The following SHANK2 variants were observed in gnomAD, a reference collection of about 807,000 sequenced individuals.
SHANK2 encodes the protein SH3 and multiple ankyrin repeat domains protein 2.
SHANK2 carries 43 observed loss-of-function variants against 133.7 expected under a neutral mutation model. The ratio of observed to expected loss-of-function variants is 0.32; its 90% CI spans 0.25 to 0.41. SHANK2 has a LOEUF of 0.41. SHANK2 is among the 10% of genes least tolerant of loss of function. The pLI is 1.00. For synonymous variants in SHANK2, 1,017 were observed against 952.8 expected (o/e 1.07, Z -1.24); for missense variants, 1,994 against 2,235.8 (o/e 0.89, Z 2.18).
rs565601941 is a variant in SHANK2 at position 70,689,912 on chromosome 11, A to G, written c.1853+8776T>C. Among the ~76,000 whole-genome samples, 184 of 152,338 alleles carry G rather than the reference A, an allele frequency of 1.2e-3. 1 individual carries two copies. The highest frequency in any genetic ancestry group is 3.7e-4 in the Non-Finnish European group (25 of 68,034). ...GCAAGGCTCTAAGCCATGAGTAGAG[A>G]CGGGATGGTGATGAAGCAATGCCTG... On this transcript the variant is annotated intron_variant, in intron 15 of 25. Coordinates refer to ENST00000601538, the MANE Select transcript of SHANK2 (RefSeq NM_012309.5).
intron 12 of SHANK2, among the ~76,000 whole-genome samples, chr11:70,813,113 C>T (rs552958097): frequency 8.5e-5 from 13 of 152,172 alleles, no homozygotes; most frequent in African/African-American, 2.6e-4. Flanking sequence ...ATGGTAGACA[C>T]GGATGCAGGC....
In SHANK2 at chr11:70,472,620, C is replaced by A. The variant is rs782381971; in HGVS notation, c.*249G>T. 9 of 551,200 alleles carry A rather than the reference C, an allele frequency of 1.6e-5. No individual in the cohort carries two copies. The highest frequency in any genetic ancestry group is 2.9e-5 in the Non-Finnish European group (9 of 305,934). 34.1% of individuals were successfully genotyped at this position (551,200 alleles called of 1,614,324 possible). A position where few individuals can be genotyped will look rare whatever the true frequency, so the allele number is the denominator to read the frequency against. On this transcript the variant is annotated 3_prime_UTR_variant, in exon 26 of 26. Transcript: ENST00000601538. The surrounding 1 kb of genome is among the most constrained non-coding windows in gnomAD (Gnocchi z 4.4). Reference sequence around the variant, plus strand: ...TGGGCGGCAGGCTGAGAATCTTTTTCCATGTTAGAAAAACTCCCTCCCCTT... The same window carrying A: ...TGGGCGGCAGGCTGAGAATCTTTTTACATGTTAGAAAAACTCCCTCCCCTT...
intron 17 of SHANK2, among the ~76,000 whole-genome samples, chr11:70,568,577 AGTT>A (rs1490869472): frequency 3.4e-5 from 5 of 146,224 alleles, no homozygotes; most frequent in Non-Finnish European, 7.5e-5. Context: ...AGCCAATTCG[AGTT>A]GTTGTTCCTT....
At chr11:70,876,132 G>T (rs1949557436) in intron 11 of SHANK2, among the ~76,000 whole-genome samples, 2 of 151,412 alleles carry the variant, frequency 1.3e-5, no homozygotes, top group African/African-American at 4.9e-5. Flanking sequence ...CTCCAGCCTG[G>T]GCAACAAGAG....
intron 17 of SHANK2, chr11:70,570,619 G>T (rs150119315): frequency 6.6e-5 from 10 of 152,592 alleles, no homozygotes; most frequent in Non-Finnish European, 1.2e-4. Context: ...TGGTGTGTGT[G>T]GGCTGCAGCT....
intron 17 of SHANK2, among the ~76,000 whole-genome samples, chr11:70,630,381 G>A (rs913645575): frequency 2.6e-5 from 4 of 152,214 alleles, no homozygotes; most frequent in Non-Finnish European, 4.4e-5. Context: ...AGGCAGAGGC[G>A]GGGCCAGGAA....
chr11:70,660,928 G>T (rs975225946), intron 16 of SHANK2, among the ~76,000 whole-genome samples: 15 of 152,256 alleles, frequency 9.9e-5, no homozygotes, highest in African/African-American at 2.4e-4. Context: ...CTCTCATGGG[G>T]AGGTGATGCC....
chr11:70,875,086 G>C (rs1218673421), intron 11 of SHANK2, among the ~76,000 whole-genome samples: 1 of 152,170 alleles, frequency 6.6e-6, no homozygotes, highest in Non-Finnish European at 1.5e-5. Flanking sequence ...TGTAGCAATT[G>C]CTTAGATCTT....
At chr11:70,668,099 C>T (rs1156838148) in intron 15 of SHANK2, 1 of 152,102 alleles carries the variant, frequency 6.6e-6, no homozygotes, top group Admixed American at 6.6e-5. Flanking sequence ...CCAGTCTGGT[C>T]CTTATAGAGT....
At chr11:71,107,032 C>T (rs1395475696) in intron 6 of SHANK2, among the ~76,000 whole-genome samples, 1 of 152,114 alleles carries the variant, frequency 6.6e-6, no homozygotes, top group Non-Finnish European at 1.5e-5. Context: ...GGAGGATCAC[C>T]TGAACCTGGG....
In SHANK2 at chr11:71,119,100, C is replaced by T. The variant is rs1163509027; in HGVS notation, c.208-68G>A. 1.7e-4 allele frequency: 237 copies of T among 1,431,254 alleles called. No homozygotes were observed. In the African/African-American group the frequency reaches 1.8e-3, roughly 11 times the overall value. The allele number at this position is 1,431,254 out of a possible 1,614,324, so 88.7% of individuals were successfully genotyped here. On this transcript the variant is annotated intron_variant, in intron 3 of 25. Transcript: ENST00000601538. ...CTACCTGAGTCACCCATGTGGGGCG[C>T]GTGGTCAGAGAGGCAAAGCTGCTTC...
At chr11:70,589,793 T>TCCCATCCCAACA (rs1554987578) in intron 17 of SHANK2, among the ~76,000 whole-genome samples, 2 of 152,066 alleles carry the variant, frequency 1.3e-5, no homozygotes, top group African/African-American at 2.4e-5. Context: ...CCCTCATGGA[T>TCCCATCCCAACA]GGCTTTGAGG....
At chr11:71,245,968 C>T (rs1954955427) in intron 1 of SHANK2, among the ~76,000 whole-genome samples, 1 of 152,084 alleles carries the variant, frequency 6.6e-6, no homozygotes, top group Non-Finnish European at 1.5e-5. Context: ...TTCTTCAAAT[C>T]CCAGGGACAT....
At chr11:71,112,412 C>T (rs1368876460) in intron 5 of SHANK2, among the ~76,000 whole-genome samples, 2 of 152,124 alleles carry the variant, frequency 1.3e-5, no homozygotes, top group Non-Finnish European at 2.9e-5. Flanking sequence ...AAAAAGAATC[C>T]TTGCATGCAT....
At chr11:70,497,141 G>C in intron 21 of SHANK2, 1 of 420,292 alleles carries the variant, frequency 2.4e-6, no homozygotes, top group South Asian at 1.8e-5. Flanking sequence ...CCCTGCATTG[G>C]CTCCCCACAG....
intron 14 of SHANK2, among the ~76,000 whole-genome samples, chr11:70,717,423 T>C (rs1945961772): frequency 6.6e-6 from 1 of 152,210 alleles, no homozygotes; most frequent in South Asian, 2.1e-4. Flanking sequence ...TCCTCCCGAA[T>C]GATCTGAGGC....
chr11:70,842,587 T>C (rs1326333530), intron 11 of SHANK2, among the ~76,000 whole-genome samples: 2 of 152,228 alleles, frequency 1.3e-5, no homozygotes, highest in African/African-American at 4.8e-5. Flanking sequence ...TCAGCAGCCC[T>C]GCACCGTGAG....
chr11:70,569,233 G>T lies in SHANK2; in HGVS notation c.2062-66302C>A, dbSNP rs1411328722. Among the ~76,000 whole-genome samples, 2 of 152,212 alleles carry T rather than the reference G, an allele frequency of 1.3e-5. No individual in the cohort carries two copies. Among genetic ancestry groups the T allele is most frequent in the East Asian group, 3.9e-4 (2 of 5,180 alleles). On this transcript the variant is annotated intron_variant, in intron 17 of 25. Coordinates refer to ENST00000601538, the MANE Select transcript of SHANK2 (RefSeq NM_012309.5). The surrounding 1 kb of genome is among the most constrained non-coding windows in gnomAD (Gnocchi z 5.1). ...GTCCCAAACCCCCGGGCCATCCCGA[G>T]CCTAAGTGTGTAGTGACCCCAGGGG...
intron 3 of SHANK2, among the ~76,000 whole-genome samples, chr11:71,123,984 A>G (rs1197979635): frequency 2.0e-5 from 3 of 151,944 alleles, no homozygotes; most frequent in African/African-American, 4.8e-5. Flanking sequence ...GATGATGATG[A>G]TGGTGGTGAT....
Sources: allele counts gnomAD v4.1 joint callset (sites outside exome capture counted in the v4.1 genomes callset), GRCh38; gene constraint gnomAD v4.1.1; non-coding constraint Gnocchi (gnomAD v3.1); transcripts MANE v1.5; gene names NCBI Gene and HGNC (gene_info 2026-07-23, HGNC 2026-07-21).